RAB6B: variants seen among roughly 807,000 people sequenced by gnomAD.
The protein encoded by RAB6B is ras-related protein Rab-6B.
A neutral mutation model predicts 31.2 loss-of-function variants in RAB6B; 7 were observed. The ratio of observed to expected loss-of-function variants is 0.22; its 90% CI spans 0.13 to 0.42. The LOEUF is 0.42. Among genes scored for constraint, RAB6B ranks in the 10% least tolerant of loss-of-function variants. RAB6B has a pLI of 1.00. For synonymous variants in RAB6B, 105 were observed against 104.9 expected, an observed-to-expected ratio of 1.00 and a Z score of -0.01; for missense variants, 149 against 280.6, an observed-to-expected ratio of 0.53 and a Z score of 3.35.
chr3:133,827,905 C>CTGGT lies in RAB6B; in HGVS notation c.*879_*882dup, dbSNP rs1333321968. On this transcript the variant is annotated 3_prime_UTR_variant, in exon 8 of 8. Coordinates refer to ENST00000285208, the MANE Select transcript of RAB6B (RefSeq NM_016577.4). ...GCATGTGTACTGACTGCTGGGTGGG[C>CTGGT]TGGTTAAAATATTTTCAGAAGTACA... The CTGGT allele has an allele frequency of 2.8e-6, 2 of 702,772 alleles. No homozygotes were observed. Among genetic ancestry groups the CTGGT allele is most frequent in the African/African-American group, 3.5e-5 (2 of 57,202 alleles). The allele number at this position is 702,772 out of a possible 1,614,324, so 43.5% of individuals were successfully genotyped here. A position where few individuals can be genotyped will look rare whatever the true frequency, so the allele number is the denominator to read the frequency against.
At chr3:133,829,440 A>G (rs1935624164) in intron 7 of RAB6B, among the ~76,000 whole-genome samples, 1 of 152,206 alleles carries the variant, frequency 6.6e-6, no homozygotes, top group Admixed American at 6.5e-5. Flanking sequence ...AGAAGCACTT[A>G]TCAGAACCAC....
chr3:133,839,476 C>T (rs1935790209), intron 5 of RAB6B, 30 bp downstream of exon 5: 5 of 1,559,794 alleles, frequency 3.2e-6, no homozygotes, highest in Non-Finnish European at 4.4e-6. Flanking sequence ...TGGAGGGTGG[C>T]ACCCTGCACC....
In RAB6B at chr3:133,827,379, G is replaced by A. The variant is rs1282904820; in HGVS notation, c.*1409C>T. ...TGCACCTGGCTCTGTGCAGGCTCAG[G>A]GCAGTGAGTCTGAGTCTATTTGGAA... On this transcript the variant is annotated 3_prime_UTR_variant, in exon 8 of 8. Coordinates refer to ENST00000285208, the MANE Select transcript of RAB6B (RefSeq NM_016577.4). The A allele has an allele frequency of 6.5e-6, 1 of 153,080 alleles. No individual in the cohort carries two copies. The highest frequency in any genetic ancestry group is 6.5e-5 in the Admixed American group (1 of 15,368). 9.5% of individuals were successfully genotyped at this position (153,080 alleles called of 1,614,324 possible).
intron 5 of RAB6B, among the ~76,000 whole-genome samples, chr3:133,838,842 G>C (rs1440094059): frequency 1.3e-5 from 2 of 152,208 alleles, no homozygotes; most frequent in African/African-American, 4.8e-5. Flanking sequence ...AGGTGGTCAA[G>C]GGACGCTGCA....
At position 133,826,577 on chromosome 3, in the gene RAB6B, A is replaced by C. The variant is rs1420505778; in HGVS notation, c.*2211T>G. On this transcript the variant is annotated 3_prime_UTR_variant, in exon 8 of 8. Transcript: ENST00000285208. ...CCTGTAAATTCTCTCGAGGTAAGTA[A>C]GCACTCTTCCAACAAGCACCACTTG... The C allele has an allele frequency of 6.5e-6, 1 of 152,690 alleles. No individual in the cohort carries two copies. Among genetic ancestry groups the C allele is most frequent in the East Asian group, 1.9e-4 (1 of 5,202 alleles). 9.5% of individuals were successfully genotyped at this position (152,690 alleles called of 1,614,324 possible).
intron 6 of RAB6B, among the ~76,000 whole-genome samples, chr3:133,837,153 CA>C (rs1008440373): frequency 1.3e-5 from 2 of 152,144 alleles, no homozygotes; most frequent in African/African-American, 4.8e-5. Context: ...ACCACCTCTC[CA>C]AGTCCTTCTC....
chr3:133,834,457 G>T (rs1049012784), intron 7 of RAB6B, 118 bp downstream of exon 7: 1 of 1,142,596 alleles, frequency 8.8e-7, no homozygotes, highest in African/African-American at 1.5e-5. Flanking sequence ...TGCCATTCGC[G>T]GCAGACCAGG....
chr3:133,833,313 A>G (rs992470266), intron 7 of RAB6B, among the ~76,000 whole-genome samples: 5 of 152,150 alleles, frequency 3.3e-5, no homozygotes, highest in African/African-American at 1.2e-4. Context: ...TTGGAGTCTC[A>G]TAACTGACCA....
At position 133,841,735 on chromosome 3, in the gene RAB6B, AGGT is replaced by A. The variant is rs1425062327; in HGVS notation, c.130-75_130-73del. The A allele has an allele frequency of 9.5e-5, 142 of 1,489,210 alleles. 1 individual carries two copies. The allele number at this position is 1,489,210 out of a possible 1,614,324, so 92.2% of individuals were successfully genotyped here. On this transcript the variant is annotated intron_variant, in intron 2 of 7. Transcript: ENST00000285208. ...AAAGGGGCAAAAGCCTAGCGACCAC[AGGT>A]GGTGGCATAACCAGCAAGAGGGGAC...
Position 133,825,075 on chromosome 3 carries a change from A to C in RAB6B, c.*3713T>G, listed in dbSNP as rs760083177. 9 of 152,146 alleles carry C rather than the reference A, an allele frequency of 5.9e-5. No homozygotes were observed. The highest frequency in any genetic ancestry group is 1.2e-4 in the Non-Finnish European group (8 of 68,024). The allele number at this position is 152,146 out of a possible 1,614,324, so 9.4% of individuals were successfully genotyped here. A position where few individuals can be genotyped will look rare whatever the true frequency, so the allele number is the denominator to read the frequency against. ...AGGCAGTTCGGAAACGAGTGTGCGC[A>C]CAATCTGCTCGGTTGATGCACACAG... On this transcript the variant is annotated 3_prime_UTR_variant, in exon 8 of 8. Transcript: ENST00000285208.
chr3:133,854,383 T>TG (rs1936046052), intron 2 of RAB6B, among the ~76,000 whole-genome samples: 2 of 152,192 alleles, frequency 1.3e-5, no homozygotes, highest in African/African-American at 4.8e-5. Context: ...AAACGCAGGA[T>TG]ATCAACACAG....
intron 2 of RAB6B, among the ~76,000 whole-genome samples, chr3:133,858,056 C>T (rs1331746150): frequency 6.6e-6 from 1 of 152,082 alleles, no homozygotes; most frequent in African/African-American, 2.4e-5. Context: ...CCACAAACTC[C>T]TTATCTTTGA....
chr3:133,841,229 C>A, intron 4 of RAB6B, 56 bp downstream of exon 4: 1 of 1,553,342 alleles, frequency 6.4e-7, no homozygotes, highest in South Asian at 1.1e-5. Context: ...CAGGGTCACA[C>A]CTGGGCCCTG....
At chr3:133,885,166 C>A (rs914115210) in intron 1 of RAB6B, among the ~76,000 whole-genome samples, 9 of 149,934 alleles carry the variant, frequency 6.0e-5, no homozygotes, top group Admixed American at 5.3e-4. Flanking sequence ...TGCTCACACA[C>A]CAATGATCAG....
intron 2 of RAB6B, among the ~76,000 whole-genome samples, chr3:133,844,648 C>A (rs1034070885): frequency 6.6e-6 from 1 of 152,136 alleles, no homozygotes; most frequent in Non-Finnish European, 1.5e-5. Flanking sequence ...TGATCAAAAG[C>A]AGGACGAGGC....
At chr3:133,830,971 CCT>C (rs1935648192) in intron 7 of RAB6B, among the ~76,000 whole-genome samples, 1 of 152,148 alleles carries the variant, frequency 6.6e-6, no homozygotes, top group Non-Finnish European at 1.5e-5. Context: ...CCAAATGTCC[CCT>C]GTGGGGAGGG....
At chr3:133,850,789 T>A (rs1273466769) in intron 2 of RAB6B, among the ~76,000 whole-genome samples, 1 of 151,728 alleles carries the variant, frequency 6.6e-6, no homozygotes, top group East Asian at 1.9e-4. Context: ...ATTTACAGAT[T>A]CAAAAACTCA....
At chr3:133,855,785 CAG>C (rs1456296557) in intron 2 of RAB6B, among the ~76,000 whole-genome samples, 1 of 152,178 alleles carries the variant, frequency 6.6e-6, no homozygotes, top group Non-Finnish European at 1.5e-5. Context: ...TTAAATGTAT[CAG>C]GAGCTACTGG....
At chr3:133,885,042 A>AT (rs1936523233) in intron 1 of RAB6B, among the ~76,000 whole-genome samples, 2 of 149,148 alleles carry the variant, frequency 1.3e-5, no homozygotes, top group African/African-American at 5.0e-5. Context: ...GGGCTCACAC[A>AT]CCAATGATCA....
Sources: gnomAD v4.1 joint callset for allele counts (sites outside exome capture counted in the v4.1 genomes callset) on GRCh38, gnomAD v4.1.1 for gene constraint, MANE v1.5 for transcripts, NCBI Gene and HGNC (gene_info 2026-07-23, HGNC 2026-07-21) for gene names.